The following NPAS3 variants were observed in gnomAD, a reference collection of about 807,000 sequenced individuals.
NPAS3 encodes the protein neuronal PAS domain protein 3, also known as neuronal PAS domain-containing protein 3.
In NPAS3, 14 loss-of-function variants were observed where a neutral mutation model predicts 73.1. That is an observed-to-expected ratio of 0.19 (90% CI 0.13 to 0.30). The LOEUF (loss-of-function observed/expected upper bound fraction) is 0.30. Ranked by LOEUF, NPAS3 falls within the 10% of genes least tolerant of loss-of-function variation. NPAS3 has a pLI of 1.00. For missense variants in NPAS3, 1,096 were observed against 1,250.0 expected, an observed-to-expected ratio of 0.88 and a Z score of 1.86; for synonymous variants, 620 against 541.5, an observed-to-expected ratio of 1.14 and a Z score of -2.01.
intron 3 of NPAS3, among the ~76,000 whole-genome samples, chr14:33,254,567 C>T (rs927925675): frequency 2.0e-5 from 3 of 152,128 alleles, no homozygotes; most frequent in Non-Finnish European, 2.9e-5. Flanking sequence ...GTGCCTGGCA[C>T]AGTAGGTGCT....
At chr14:33,314,219 C>T (rs999210345) in intron 3 of NPAS3, among the ~76,000 whole-genome samples, 11 of 151,986 alleles carry the variant, frequency 7.2e-5, no homozygotes, top group Non-Finnish European at 5.9e-5. Flanking sequence ...TAGATACAGG[C>T]TATACCCATT....
intron 2 of NPAS3, among the ~76,000 whole-genome samples, chr14:33,072,200 G>A (rs2041509679): frequency 1.3e-5 from 2 of 152,126 alleles, no homozygotes; most frequent in Non-Finnish European, 2.9e-5. Flanking sequence ...CAGATTCTGT[G>A]TTTTTAAAAG....
intron 6 of NPAS3, among the ~76,000 whole-genome samples, chr14:33,685,057 C>T (rs144338708): frequency 3.9e-5 from 6 of 152,292 alleles, no homozygotes; most frequent in East Asian, 1.9e-4. Flanking sequence ...TTTTCATTCA[C>T]GATTCAGACC....
intron 4 of NPAS3, among the ~76,000 whole-genome samples, chr14:33,461,376 A>G (rs2050257594): frequency 6.6e-6 from 1 of 152,234 alleles, no homozygotes; most frequent in African/African-American, 2.4e-5. Flanking sequence ...GCCTATTTCA[A>G]TAAGATAGTT....
At chr14:33,722,823 T>C (rs1381094348) in intron 6 of NPAS3, among the ~76,000 whole-genome samples, 1 of 152,166 alleles carries the variant, frequency 6.6e-6, no homozygotes, top group African/African-American at 2.4e-5. Context: ...AATTCTTTAT[T>C]GATGATGGAT....
At chr14:33,147,300 A>G (rs999949862) in intron 2 of NPAS3, among the ~76,000 whole-genome samples, 1 of 152,206 alleles carries the variant, frequency 6.6e-6, no homozygotes, top group Admixed American at 6.5e-5. Context: ...TAGATAATCA[A>G]CTGTTCTTTA....
chr14:32,977,089 G>A (rs2037710631), intron 1 of NPAS3, among the ~76,000 whole-genome samples: 1 of 118,932 alleles, frequency 8.4e-6, no homozygotes, highest in African/African-American at 3.2e-5. Flanking sequence ...CGTTTTTAAC[G>A]GCATAACATT....
chr14:33,211,856 C>A (rs1355510781), intron 2 of NPAS3, among the ~76,000 whole-genome samples: 1 of 152,076 alleles, frequency 6.6e-6, no homozygotes, highest in Non-Finnish European at 1.5e-5. Flanking sequence ...TTCTGCTATT[C>A]AAATCTAAGT....
intron 2 of NPAS3, among the ~76,000 whole-genome samples, chr14:33,171,842 C>T (rs1432720467): frequency 1.3e-5 from 2 of 152,138 alleles, no homozygotes; most frequent in South Asian, 2.1e-4. Flanking sequence ...TAAGCTTCAT[C>T]GTTTCTAGCT....
chr14:33,664,832 T>A (rs1417812501), intron 5 of NPAS3, among the ~76,000 whole-genome samples: 14 of 152,198 alleles, frequency 9.2e-5, no homozygotes, highest in Admixed American at 8.5e-4. Context: ...CCAGTTAGAA[T>A]GGCGATTATT....
At chr14:33,639,547 T>C (rs926120642) in intron 5 of NPAS3, among the ~76,000 whole-genome samples, 5 of 152,200 alleles carry the variant, frequency 3.3e-5, no homozygotes, top group African/African-American at 1.2e-4. Context: ...TCAAAAATTA[T>C]ACATTCTCCT....
At chr14:33,483,613 T>A (rs2051436879) in intron 4 of NPAS3, among the ~76,000 whole-genome samples, 1 of 152,144 alleles carries the variant, frequency 6.6e-6, no homozygotes. Flanking sequence ...CGATGAGGGA[T>A]CATGGTTTCA....
chr14:33,562,513 C>A (rs918330171), intron 5 of NPAS3, among the ~76,000 whole-genome samples: 9 of 152,140 alleles, frequency 5.9e-5, no homozygotes, highest in Middle Eastern at 3.2e-3. Flanking sequence ...CAGCACTATA[C>A]AACTGAATTG....
At chr14:32,966,145 A>G (rs1378507627) in intron 1 of NPAS3, among the ~76,000 whole-genome samples, 3 of 152,198 alleles carry the variant, frequency 2.0e-5, no homozygotes, top group Non-Finnish European at 4.4e-5. Flanking sequence ...CTACAGAATC[A>G]GTGCAATACC....
At chr14:33,221,988 C>T (rs960570414) in intron 3 of NPAS3, among the ~76,000 whole-genome samples, 1 of 151,842 alleles carries the variant, frequency 6.6e-6, no homozygotes, top group Non-Finnish European at 1.5e-5. Flanking sequence ...ACCCAGAGAC[C>T]CAGGGAGAAG....
intron 5 of NPAS3, among the ~76,000 whole-genome samples, chr14:33,560,633 G>A (rs562354217): frequency 7.2e-5 from 11 of 152,142 alleles, no homozygotes; most frequent in East Asian, 1.9e-4. Context: ...AAGAAATGCC[G>A]AAAGAGACCA....
chr14:33,136,217 C>A (rs181095720), intron 2 of NPAS3, among the ~76,000 whole-genome samples: 19 of 151,770 alleles, frequency 1.3e-4, no homozygotes, highest in Non-Finnish European at 2.1e-4. Flanking sequence ...CACACCACCA[C>A]GCCCAGCTAA....
intron 4 of NPAS3, among the ~76,000 whole-genome samples, chr14:33,538,830 G>A (rs2054373588): frequency 6.6e-6 from 1 of 152,088 alleles, no homozygotes. Flanking sequence ...ATAATTGTAA[G>A]ACCCTACACT....
At chr14:33,149,473 A>G (rs1226972495) in intron 2 of NPAS3, among the ~76,000 whole-genome samples, 1 of 152,194 alleles carries the variant, frequency 6.6e-6, no homozygotes, top group Non-Finnish European at 1.5e-5. Context: ...CTTCATCAGT[A>G]CTTTTGATGG....
Sources: gnomAD v4.1 joint callset for allele counts (sites outside exome capture counted in the v4.1 genomes callset) on GRCh38, gnomAD v4.1.1 for gene constraint, MANE v1.5 for transcripts, NCBI Gene and HGNC (gene_info 2026-07-23, HGNC 2026-07-21) for gene names.